The following AK4 variants were observed in gnomAD, a reference collection of about 807,000 sequenced individuals.
The protein encoded by AK4 is adenylate kinase 4, mitochondrial.
AK4 carries 13 observed loss-of-function variants against 24.6 expected under a neutral mutation model. The observed-to-expected ratio is 0.53, with a 90% CI of 0.34 to 0.84. AK4 has a LOEUF of 0.84. AK4 is among the 40% of genes least tolerant of loss of function. AK4 has a pLI of 0.01. For missense variants in AK4, 192 were observed against 288.2 expected (o/e 0.67, Z 2.42); for synonymous variants, 88 against 107.0 (o/e 0.82, Z 1.10).
intron 1 of AK4, chr1:65,154,585 C>A: frequency 3.9e-6 from 2 of 515,594 alleles, no homozygotes; most frequent in South Asian, 2.8e-5. Flanking sequence ...GAAATGTGGC[C>A]TCAATACGTG....
intron 3 of AK4, among the ~76,000 whole-genome samples, chr1:65,219,896 A>G (rs1019853938): frequency 6.6e-6 from 1 of 152,098 alleles, no homozygotes; most frequent in Non-Finnish European, 1.5e-5. Flanking sequence ...TCTACCTATT[A>G]ATTCCTCCCT....
chr1:65,153,366 C>T (rs1338161957), intron 1 of AK4, among the ~76,000 whole-genome samples: 1 of 152,064 alleles, frequency 6.6e-6, no homozygotes, highest in African/African-American at 2.4e-5. Flanking sequence ...ATTTCCCGGG[C>T]TCAAGTGATT....
At chr1:65,161,970 G>A (rs1397440081) in intron 1 of AK4, among the ~76,000 whole-genome samples, 4 of 152,146 alleles carry the variant, frequency 2.6e-5, no homozygotes, top group Non-Finnish European at 4.4e-5. Flanking sequence ...GTAGCAGGCC[G>A]GGCACGGTGG....
intron 1 of AK4, among the ~76,000 whole-genome samples, chr1:65,174,207 A>G (rs189584684): frequency 6.6e-6 from 1 of 152,182 alleles, no homozygotes; most frequent in East Asian, 1.9e-4. Context: ...TTATTGATCC[A>G]AAAACTCATT....
chr1:65,224,794 G>A lies in AK4; in HGVS notation c.481G>A (p.Asp161Asn). The A allele has an allele frequency of 1.2e-6, 2 of 1,613,776 alleles. No homozygotes were observed. The highest frequency in any genetic ancestry group is 1.7e-6 in the Non-Finnish European group (2 of 1,179,952). ...VTGEPLVQQE[D>N]DKPEAVAARL... ...TGGTGAACCGTTAGTCCAGCAGGAG[G>A]ATGATAAACCCGAAGCAGTTGCTGC... Residue 161 changes from aspartate (D) to asparagine (N), a missense_variant, in exon 4 of 5, where the codon GAT becomes AAT. Asp to Asn is a conservative substitution (Grantham distance 23, BLOSUM62 1). Transcript: ENST00000327299.
At chr1:65,196,668 G>A (rs1651482393) in intron 2 of AK4, among the ~76,000 whole-genome samples, 1 of 152,114 alleles carries the variant, frequency 6.6e-6, no homozygotes, top group Non-Finnish European at 1.5e-5. Context: ...GTTGCACCAT[G>A]TTTGCCAGGC....
chr1:65,160,082 G>A (rs914397365), intron 1 of AK4, among the ~76,000 whole-genome samples: 2 of 152,094 alleles, frequency 1.3e-5, no homozygotes, highest in African/African-American at 4.8e-5. Context: ...CAAACCTGGG[G>A]CTCCATAGCT....
chr1:65,158,438 T>TG (rs1349782079), intron 1 of AK4, among the ~76,000 whole-genome samples: 1 of 152,214 alleles, frequency 6.6e-6, no homozygotes, highest in Admixed American at 6.5e-5. Flanking sequence ...GTTTTTTAGA[T>TG]GATGTACTTT....
intron 2 of AK4, among the ~76,000 whole-genome samples, chr1:65,206,188 A>G (rs931650730): frequency 3.3e-5 from 5 of 152,178 alleles, no homozygotes; most frequent in Non-Finnish European, 7.4e-5. Flanking sequence ...CCCAGAAAGC[A>G]CAGGTTATAT....
Position 65,226,668 on chromosome 1 carries a change from T to C in AK4, c.*491T>C, listed in dbSNP as rs1052328737. 10 of 153,162 alleles carry C rather than the reference T, an allele frequency of 6.5e-5. No individual in the cohort carries two copies. Among genetic ancestry groups the C allele is most frequent in the Admixed American group, 5.9e-4 (9 of 15,368 alleles). 9.5% of individuals were successfully genotyped at this position (153,162 alleles called of 1,614,324 possible). A position where few individuals can be genotyped will look rare whatever the true frequency, so the allele number is the denominator to read the frequency against. On this transcript the variant is annotated 3_prime_UTR_variant, in exon 5 of 5. Transcript: ENST00000327299. Reference sequence around the variant, plus strand: ...TGGTAACAGTGAAATTGAAGCTACTTACTCATAGTGGTTGTTTCTCTGGTC... The same window carrying C: ...TGGTAACAGTGAAATTGAAGCTACTCACTCATAGTGGTTGTTTCTCTGGTC...
chr1:65,230,524 A>G lies in AK4; in HGVS notation c.*4347A>G, dbSNP rs1258523675. 6 of 152,198 alleles carry G rather than the reference A, an allele frequency of 3.9e-5. No individual in the cohort carries two copies. The highest frequency in any genetic ancestry group is 1.4e-4 in the African/African-American group (6 of 41,456). The allele number at this position is 152,198 out of a possible 1,614,324, so 9.4% of individuals were successfully genotyped here. On this transcript the variant is annotated 3_prime_UTR_variant, in exon 5 of 5. Coordinates refer to ENST00000327299, the MANE Select transcript of AK4 (RefSeq NM_013410.4). Reference sequence around the variant, plus strand: ...TGTCTGTTTACTTCATGTTAGGCACATTACATGCATTGGCTAATCAAATCC... The same window carrying G: ...TGTCTGTTTACTTCATGTTAGGCACGTTACATGCATTGGCTAATCAAATCC...
intron 2 of AK4, 148 bp from the exon 3 acceptor site, chr1:65,218,606 G>A (rs752643326): frequency 3.5e-5 from 21 of 594,072 alleles, no homozygotes; most frequent in Non-Finnish European, 5.3e-5. Flanking sequence ...GCTAAGGTTT[G>A]GGATGCAAAT....
At chr1:65,166,334 G>GTGTT (rs1372283942) in intron 1 of AK4, among the ~76,000 whole-genome samples, 1 of 151,672 alleles carries the variant, frequency 6.6e-6, no homozygotes, top group Non-Finnish European at 1.5e-5. Context: ...GTGTGTGTGT[G>GTGTT]TGTGTGTGTG....
At chr1:65,154,852 A>T (rs1279980142) in intron 1 of AK4, among the ~76,000 whole-genome samples, 1 of 146,840 alleles carries the variant, frequency 6.8e-6, no homozygotes, top group Non-Finnish European at 1.5e-5. Flanking sequence ...CATAGGGAGA[A>T]TTTTTTTTTT....
At chr1:65,188,573 G>A (rs1298852507) in intron 1 of AK4, among the ~76,000 whole-genome samples, 3 of 151,778 alleles carry the variant, frequency 2.0e-5, no homozygotes, top group African/African-American at 7.3e-5. Flanking sequence ...CCGCCTCCTG[G>A]GTTCACACCA....
At chr1:65,192,172 G>T (rs1557455220) in intron 2 of AK4, among the ~76,000 whole-genome samples, 1 of 152,162 alleles carries the variant, frequency 6.6e-6, no homozygotes, top group Non-Finnish European at 1.5e-5. Context: ...ATAAAGAAAA[G>T]AAATTTATTT....
chr1:65,195,163 C>T (rs972362187), intron 2 of AK4, among the ~76,000 whole-genome samples: 3 of 152,140 alleles, frequency 2.0e-5, no homozygotes, highest in African/African-American at 7.2e-5. Flanking sequence ...AAGGCTCACA[C>T]AAGAGAGGGA....
intron 1 of AK4, among the ~76,000 whole-genome samples, chr1:65,183,713 T>C (rs1650993340): frequency 1.3e-5 from 2 of 151,678 alleles, no homozygotes; most frequent in Admixed American, 1.3e-4. Flanking sequence ...GTCTGTGTTC[T>C]CATGGTTTTT....
At chr1:65,210,404 C>CTTTA (rs1452579802) in intron 2 of AK4, among the ~76,000 whole-genome samples, 1 of 152,106 alleles carries the variant, frequency 6.6e-6, no homozygotes, top group Non-Finnish European at 1.5e-5. Context: ...GCTTCGGTTT[C>CTTTA]TTTATTATTG....
Sources: gnomAD v4.1 joint callset for allele counts (sites outside exome capture counted in the v4.1 genomes callset) on GRCh38, gnomAD v4.1.1 for gene constraint, MANE v1.5 for transcripts, NCBI Gene and HGNC (gene_info 2026-07-23, HGNC 2026-07-21) for gene names.